Variants in EIF4G3 observed in about 807,000 individuals in gnomAD.
The protein encoded by EIF4G3 is eukaryotic translation initiation factor 4 gamma 3.
Under a neutral mutation model 186.4 loss-of-function variants are expected in EIF4G3, and 34 were observed. The ratio of observed to expected loss-of-function variants is 0.18; its 90% CI spans 0.14 to 0.24. The LOEUF is 0.24. Ranked by LOEUF, EIF4G3 falls within the 10% of genes least tolerant of loss-of-function variation. The pLI, the probability that EIF4G3 is intolerant of heterozygous loss-of-function variation, is 1.00. For synonymous variants in EIF4G3, 673 were observed against 679.5 expected (o/e 0.99, Z 0.15); for missense variants, 1,536 against 1,948.5 (o/e 0.79, Z 3.99).
chr1:21,094,504 A>G (rs2096298250), intron 2 of EIF4G3, among the ~76,000 whole-genome samples: 2 of 151,794 alleles, frequency 1.3e-5, no homozygotes, highest in Admixed American at 1.3e-4. Context: ...CATCATTCTC[A>G]GGAAACTATC....
At chr1:21,082,607 A>G in intron 3 of EIF4G3, among the ~76,000 whole-genome samples, 1 of 151,924 alleles carries the variant, frequency 6.6e-6, no homozygotes, top group Non-Finnish European at 1.5e-5. Flanking sequence ...AAAAACAACA[A>G]AAAAGGGGAA....
At chr1:20,860,565 T>C in intron 23 of EIF4G3, 48 bp from the exon 24 acceptor site, 3 of 1,577,522 alleles carry the variant, frequency 1.9e-6, no homozygotes, top group East Asian at 2.2e-5. Context: ...CTGAACATTT[T>C]TTAAAATTTA....
chr1:20,839,507 CAAT>C (rs1289453217), intron 30 of EIF4G3, among the ~76,000 whole-genome samples: 3 of 152,160 alleles, frequency 2.0e-5, no homozygotes, highest in South Asian at 4.2e-4. Flanking sequence ...ATAAATTCAA[CAAT>C]GACTTTTTTG....
intron 3 of EIF4G3, among the ~76,000 whole-genome samples, chr1:21,070,330 C>G (rs1351826812): frequency 1.3e-5 from 2 of 152,114 alleles, no homozygotes; most frequent in East Asian, 1.9e-4. Flanking sequence ...CCTCTTTACC[C>G]TTCAAATCCC....
chr1:21,163,245 A>G (rs1403366671), intron 2 of EIF4G3, among the ~76,000 whole-genome samples: 3 of 152,200 alleles, frequency 2.0e-5, no homozygotes, highest in Non-Finnish European at 4.4e-5. Context: ...ACATTTAAAT[A>G]CACTCACTCA....
At chr1:21,068,391 A>AAAAAAAAAAAAAAAAAAAAAAAAC (rs1319008942) in intron 3 of EIF4G3, among the ~76,000 whole-genome samples, 1 of 149,094 alleles carries the variant, frequency 6.7e-6, no homozygotes, top group Non-Finnish European at 1.5e-5. Context: ...AAAAAAAAAA[A>AAAAAAAAAAAAAAAAAAAAAAAAC]AAAAAAAAAC....
chr1:20,886,485 A>AC, intron 18 of EIF4G3, 114 bp from the exon 19 acceptor site: 6 of 956,960 alleles, frequency 6.3e-6, no homozygotes, highest in Non-Finnish European at 9.1e-6. Context: ...AAGATTGGGT[A>AC]CTAGGTACTC....
intron 12 of EIF4G3, among the ~76,000 whole-genome samples, chr1:20,961,250 G>A (rs2096562305): frequency 6.6e-6 from 1 of 152,180 alleles, no homozygotes; most frequent in Non-Finnish European, 1.5e-5. Flanking sequence ...GGGCATGGTG[G>A]TGCATGCCTG....
At chr1:21,132,066 A>G (rs2097163175) in intron 2 of EIF4G3, among the ~76,000 whole-genome samples, 1 of 152,178 alleles carries the variant, frequency 6.6e-6, no homozygotes. Context: ...AATGAAGGCA[A>G]TAGAAAGATC....
At chr1:20,973,152 C>A in intron 10 of EIF4G3, 53 bp from the exon 11 acceptor site, 4 of 1,312,122 alleles carry the variant, frequency 3.0e-6, no homozygotes, top group Non-Finnish European at 3.3e-6. Context: ...TCAAACACTA[C>A]AGAACTAGCA....
At chr1:21,119,701 A>G (rs909439915) in intron 2 of EIF4G3, among the ~76,000 whole-genome samples, 1 of 152,178 alleles carries the variant, frequency 6.6e-6, no homozygotes, top group Non-Finnish European at 1.5e-5. Flanking sequence ...TTTTTTAAGT[A>G]TCACTGAATT....
At chr1:20,808,973 T>C (rs1258209017) in intron 36 of EIF4G3, among the ~76,000 whole-genome samples, 2 of 152,118 alleles carry the variant, frequency 1.3e-5, no homozygotes, top group Non-Finnish European at 2.9e-5. Context: ...TCATGAGTCG[T>C]ATTAACTTTT....
chr1:21,012,796 C>T (rs1327689555), intron 4 of EIF4G3, among the ~76,000 whole-genome samples: 1 of 152,112 alleles, frequency 6.6e-6, no homozygotes, highest in Non-Finnish European at 1.5e-5. Flanking sequence ...TGCCAAGAAC[C>T]ACCATAGGAA....
intron 4 of EIF4G3, among the ~76,000 whole-genome samples, chr1:21,008,927 C>T (rs1055754454): frequency 2.6e-5 from 4 of 152,108 alleles, no homozygotes; most frequent in African/African-American, 9.6e-5. Flanking sequence ...ACTCATTATA[C>T]CAAAAGAAAT....
chr1:20,936,892 A>C (rs1308649930), intron 14 of EIF4G3, among the ~76,000 whole-genome samples: 1 of 152,192 alleles, frequency 6.6e-6, no homozygotes, highest in Non-Finnish European at 1.5e-5. Context: ...TCTCCATTTG[A>C]GAAATAAACT....
chr1:21,033,954 T>TG (rs1357535137), intron 4 of EIF4G3, among the ~76,000 whole-genome samples: 2 of 152,140 alleles, frequency 1.3e-5, no homozygotes, highest in Admixed American at 1.3e-4. Flanking sequence ...CTGGGTGTGC[T>TG]GGTATGTGCC....
rs758123724 is a variant in EIF4G3, at chr1:21,089,162, G to C, written c.-220C>G. ...CCGTGCTGTAGACTGCTGAGACAGCGGGAGTGAAGATTCGATCCTCAAGAG... is the reference window on the plus strand; with the variant it reads ...CCGTGCTGTAGACTGCTGAGACAGCCGGAGTGAAGATTCGATCCTCAAGAG... On this transcript the variant is annotated 5_prime_UTR_variant, in exon 3 of 37. Coordinates refer to ENST00000602326, the MANE Select transcript of EIF4G3 (RefSeq NM_001391906.1). 2.8e-6 allele frequency: 2 copies of C among 717,332 alleles called. No individual in the cohort carries two copies. The highest frequency in any genetic ancestry group is 5.4e-5 in the East Asian group (2 of 37,268). 44.4% of individuals were successfully genotyped at this position (717,332 alleles called of 1,614,324 possible).
intron 2 of EIF4G3, among the ~76,000 whole-genome samples, chr1:21,145,241 C>A (rs1231706157): frequency 6.6e-6 from 1 of 151,936 alleles, no homozygotes; most frequent in Non-Finnish European, 1.5e-5. Context: ...ACAAGGAAAC[C>A]AAGTTCCAAA....
chr1:20,810,612 T>TA lies in EIF4G3; in HGVS notation c.4744+125dup. 2 of 1,141,128 alleles carry TA rather than the reference T, an allele frequency of 1.8e-6. No homozygotes were observed. The highest frequency in any genetic ancestry group is 2.5e-6 in the Non-Finnish European group (2 of 799,078). The allele number at this position is 1,141,128 out of a possible 1,614,324, so 70.7% of individuals were successfully genotyped here. A position where few individuals can be genotyped will look rare whatever the true frequency, so the allele number is the denominator to read the frequency against. On this transcript the variant is annotated intron_variant, in intron 36 of 36. Coordinates refer to ENST00000602326, the MANE Select transcript of EIF4G3 (RefSeq NM_001391906.1). This position sits in a 1 kb window ranked among gnomAD's most constrained non-coding sequence, Gnocchi z 4.1. ...CAAATTCAAATTTATTAAAGTTAGT[T>TA]ATATGAGTTTGTGTTATTAGTGATT...
Sources: allele counts gnomAD v4.1 joint callset (sites outside exome capture counted in the v4.1 genomes callset), GRCh38; gene constraint gnomAD v4.1.1; non-coding constraint Gnocchi (gnomAD v3.1); transcripts MANE v1.5; gene names NCBI Gene and HGNC (gene_info 2026-07-23, HGNC 2026-07-21).